H2BN1: variants seen among roughly 807,000 people sequenced by gnomAD.
H2BN1 encodes the protein H2B.N variant histone 1.
the H2BN1 span, among the ~76,000 whole-genome samples, chr17:32,896,664 T>C: frequency 6.6e-6 from 1 of 152,124 alleles, no homozygotes; most frequent in Admixed American, 6.6e-5. Flanking sequence ...TGATGTGTAG[T>C]GAGGATATAT....
At chr17:32,898,986 A>G in the H2BN1 span, among the ~76,000 whole-genome samples, 1 of 152,224 alleles carries the variant, frequency 6.6e-6, no homozygotes, top group Non-Finnish European at 1.5e-5. Flanking sequence ...AATTGAAAAC[A>G]TTATTTTGAA....
At chr17:32,900,931 G>A in the H2BN1 span, among the ~76,000 whole-genome samples, 1 of 152,110 alleles carries the variant, frequency 6.6e-6, no homozygotes, top group African/African-American at 2.4e-5. Flanking sequence ...ATCTCGGCCA[G>A]GTGTGGTGAC....
the H2BN1 span, among the ~76,000 whole-genome samples, chr17:32,896,208 G>A: frequency 2.6e-5 from 4 of 152,146 alleles, no homozygotes; most frequent in African/African-American, 9.7e-5. Flanking sequence ...GAGCCACTGC[G>A]CCTGGCCTAA....
At chr17:32,902,658 G>A in the H2BN1 span, among the ~76,000 whole-genome samples, 1 of 152,116 alleles carries the variant, frequency 6.6e-6, no homozygotes, top group Non-Finnish European at 1.5e-5. Flanking sequence ...TCATAACATG[G>A]TGAAACCCCA....
chr17:32,895,700 A>T, the H2BN1 span, among the ~76,000 whole-genome samples: 1 of 152,178 alleles, frequency 6.6e-6, no homozygotes, highest in African/African-American at 2.4e-5. Flanking sequence ...ACTTACTGTG[A>T]TACAGGAGTC....
chr17:32,905,032 G>A, the H2BN1 span, among the ~76,000 whole-genome samples: 7 of 152,252 alleles, frequency 4.6e-5, no homozygotes, highest in East Asian at 1.4e-3. Context: ...CTTTAGCCAA[G>A]ACAAAACTCC....
At chr17:32,906,024 G>A in the H2BN1 span, among the ~76,000 whole-genome samples, 3 of 152,124 alleles carry the variant, frequency 2.0e-5, no homozygotes, top group Non-Finnish European at 4.4e-5. Context: ...CCTTTAGGTG[G>A]TTTATTATTA....
the H2BN1 span, among the ~76,000 whole-genome samples, chr17:32,899,312 T>C: frequency 1.3e-5 from 2 of 152,250 alleles, no homozygotes; most frequent in East Asian, 3.8e-4. Context: ...AGCCCAGTCA[T>C]GGATTTGTAC....
At chr17:32,898,559 C>T in the H2BN1 span, among the ~76,000 whole-genome samples, 5 of 152,104 alleles carry the variant, frequency 3.3e-5, no homozygotes, top group African/African-American at 1.2e-4. Context: ...ATTTCACATC[C>T]CCCCTTTTCT....
At chr17:32,897,620 TAGTA>T in the H2BN1 span, among the ~76,000 whole-genome samples, 1 of 152,082 alleles carries the variant, frequency 6.6e-6, no homozygotes, top group Non-Finnish European at 1.5e-5. Context: ...AGGAGGAACT[TAGTA>T]AGTGTGTGTG....
At chr17:32,903,611 T>C in the H2BN1 span, among the ~76,000 whole-genome samples, 1 of 152,158 alleles carries the variant, frequency 6.6e-6, no homozygotes, top group African/African-American at 2.4e-5. Context: ...TAAACAGTGG[T>C]TTTTATCTGA....
At chr17:32,900,156 T>A in the H2BN1 span, among the ~76,000 whole-genome samples, 2 of 152,216 alleles carry the variant, frequency 1.3e-5, no homozygotes, top group Non-Finnish European at 2.9e-5. Context: ...GTATACTAAG[T>A]CATATCAGAA....
At chr17:32,903,890 C>G in the H2BN1 span, among the ~76,000 whole-genome samples, 1 of 152,120 alleles carries the variant, frequency 6.6e-6, no homozygotes, top group Non-Finnish European at 1.5e-5. Flanking sequence ...GCTGTGGCCT[C>G]AGGTTTTTTG....
chr17:32,900,259 C>T, the H2BN1 span, among the ~76,000 whole-genome samples: 4 of 152,258 alleles, frequency 2.6e-5, no homozygotes, highest in South Asian at 8.3e-4. Context: ...TTAGATTTGA[C>T]TTGTTTCCTG....
chr17:32,904,286 C>A, the H2BN1 span, among the ~76,000 whole-genome samples: 3 of 152,152 alleles, frequency 2.0e-5, no homozygotes, highest in Non-Finnish European at 4.4e-5. Flanking sequence ...CACAGACAAG[C>A]CGAATTGAGA....
the H2BN1 span, chr17:32,906,429 A>G: frequency 2.6e-5 from 4 of 152,218 alleles, no homozygotes. Context: ...TCAAAAAACT[A>G]GATGTGTTGG....
At chr17:32,900,464 A>C in the H2BN1 span, among the ~76,000 whole-genome samples, 1 of 152,274 alleles carries the variant, frequency 6.6e-6, no homozygotes, top group East Asian at 1.9e-4. Flanking sequence ...AAAACAAGTC[A>C]TTCATTTGAC....
the H2BN1 span, among the ~76,000 whole-genome samples, chr17:32,896,232 C>T: frequency 4.6e-5 from 7 of 152,266 alleles, no homozygotes; most frequent in Admixed American, 1.3e-4. Flanking sequence ...GATTCTTAAA[C>T]GCCCTCTCCT....
At chr17:32,905,398 A>G in the H2BN1 span, among the ~76,000 whole-genome samples, 87 of 152,330 alleles carry the variant, frequency 5.7e-4, no homozygotes, top group African/African-American at 2.0e-3. Context: ...GGTACCAAGC[A>G]CCGACAAGAG....
Sources: allele counts gnomAD v4.1 joint callset (sites outside exome capture counted in the v4.1 genomes callset), GRCh38; gene constraint gnomAD v4.1.1; transcripts MANE v1.5; gene names NCBI Gene and HGNC (gene_info 2026-07-23, HGNC 2026-07-21).